Variants in PRKN observed in about 807,000 individuals in gnomAD.
PRKN encodes the protein E3 ubiquitin-protein ligase parkin.
PRKN carries 56 observed loss-of-function variants against 59.5 expected under a neutral mutation model. The observed-to-expected ratio is 0.94, with a 90% CI of 0.76 to 1.18. The LOEUF (loss-of-function observed/expected upper bound fraction) is 1.18. Ranked by LOEUF, PRKN falls within the 50% of genes most tolerant of loss-of-function variation. The pLI is 0.00. For synonymous variants in PRKN, 250 were observed against 222.1 expected, an observed-to-expected ratio of 1.13 and a Z score of -1.12; for missense variants, 657 against 596.4, an observed-to-expected ratio of 1.10 and a Z score of -1.06.
intron 4 of PRKN, among the ~76,000 whole-genome samples, chr6:162,101,500 C>G (rs1005478685): frequency 1.5e-4 from 22 of 150,424 alleles, no homozygotes; most frequent in African/African-American, 5.2e-4. Context: ...AACCCTGTCT[C>G]TACTAAAAAA....
intron 1 of PRKN, among the ~76,000 whole-genome samples, chr6:162,527,354 A>C (rs2846503): frequency 0.26 from 38,932 of 152,176 alleles, 6,195 homozygotes; most frequent in Non-Finnish European, 0.37. Flanking sequence ...GTATGCAAAA[A>C]CCGTTTTCAC....
At chr6:162,058,419 A>G (rs191559628) in intron 4 of PRKN, among the ~76,000 whole-genome samples, 1 of 152,080 alleles carries the variant, frequency 6.6e-6, no homozygotes, top group Non-Finnish European at 1.5e-5. Context: ...GGACAAGGTG[A>G]TCTCTGGCCA....
At chr6:161,778,490 A>G (rs970849127) in intron 7 of PRKN, among the ~76,000 whole-genome samples, 2 of 152,190 alleles carry the variant, frequency 1.3e-5, no homozygotes, top group Non-Finnish European at 2.9e-5. Flanking sequence ...ATTTTCTTGG[A>G]GGAATTACAA....
At chr6:161,875,231 G>A (rs1187940123) in intron 6 of PRKN, among the ~76,000 whole-genome samples, 1 of 148,050 alleles carries the variant, frequency 6.8e-6, no homozygotes, top group African/African-American at 2.5e-5. Flanking sequence ...GTCTCACTCT[G>A]TTTCCCAGGC....
intron 1 of PRKN, among the ~76,000 whole-genome samples, chr6:162,523,714 G>A (rs1778162279): frequency 6.6e-6 from 1 of 151,696 alleles, no homozygotes; most frequent in Non-Finnish European, 1.5e-5. Flanking sequence ...TGTTTATGGG[G>A]TCAAAAAATC....
chr6:162,358,208 A>G (rs1274752521), intron 2 of PRKN, among the ~76,000 whole-genome samples: 1 of 152,244 alleles, frequency 6.6e-6, no homozygotes, highest in Non-Finnish European at 1.5e-5. Flanking sequence ...TTCTGTATGT[A>G]CAATTTGTCT....
chr6:161,375,467 CCACAGTGCCTGA>C (rs1208756454), intron 10 of PRKN, among the ~76,000 whole-genome samples: 1 of 152,220 alleles, frequency 6.6e-6, no homozygotes, highest in Non-Finnish European at 1.5e-5. Context: ...TTTCCTCTCT[CCACAGTGCCTGA>C]CAGTTTTAGC....
chr6:161,854,340 A>T (rs1312774529), intron 6 of PRKN, among the ~76,000 whole-genome samples: 1 of 152,098 alleles, frequency 6.6e-6, no homozygotes, highest in Non-Finnish European at 1.5e-5. Context: ...ATAAAAAATA[A>T]CAGAAAAAAA....
At chr6:162,084,607 T>C (rs1779180811) in intron 4 of PRKN, among the ~76,000 whole-genome samples, 1 of 152,156 alleles carries the variant, frequency 6.6e-6, no homozygotes, top group African/African-American at 2.4e-5. Context: ...TTGCTATAGC[T>C]ATGCAGATTA....
intron 7 of PRKN, among the ~76,000 whole-genome samples, chr6:161,707,585 CAGCAGTAATTTAATCAGCATAAAAA>C (rs1329116375): frequency 6.6e-6 from 1 of 152,184 alleles, no homozygotes; most frequent in East Asian, 1.9e-4. Flanking sequence ...ACACTTTGAA[CAGCAGTAATTTAATCAGCATAAAAA>C]ATTCTTAGTA....
At chr6:161,750,142 C>CACACACACAT (rs765990689) in intron 7 of PRKN, among the ~76,000 whole-genome samples, 1 of 137,070 alleles carries the variant, frequency 7.3e-6, no homozygotes, top group African/African-American at 2.7e-5. Flanking sequence ...CACACACACA[C>CACACACACAT]ATATATAAAT....
At chr6:161,784,882 C>A (rs971060146) in intron 7 of PRKN, among the ~76,000 whole-genome samples, 2 of 152,138 alleles carry the variant, frequency 1.3e-5, no homozygotes, top group Non-Finnish European at 2.9e-5. Context: ...GATGAATGGA[C>A]ACACAAATTG....
At chr6:162,423,052 T>G (rs1428597324) in intron 2 of PRKN, among the ~76,000 whole-genome samples, 1 of 151,620 alleles carries the variant, frequency 6.6e-6, no homozygotes, top group Non-Finnish European at 1.5e-5. Flanking sequence ...ATTGCTTCTA[T>G]AGTACATATT....
At chr6:161,750,886 T>C (rs943017170) in intron 7 of PRKN, among the ~76,000 whole-genome samples, 4 of 151,848 alleles carry the variant, frequency 2.6e-5, no homozygotes, top group Admixed American at 6.6e-5. Flanking sequence ...ACAACAAATA[T>C]ATAATTGTAT....
intron 7 of PRKN, among the ~76,000 whole-genome samples, chr6:161,627,527 G>A (rs1363891007): frequency 1.3e-5 from 2 of 152,236 alleles, no homozygotes; most frequent in Non-Finnish European, 2.9e-5. Flanking sequence ...CCCATCGCCA[G>A]ACAGTCAGTT....
intron 4 of PRKN, among the ~76,000 whole-genome samples, chr6:162,061,806 G>T (rs1778117345): frequency 6.6e-6 from 1 of 152,136 alleles, no homozygotes; most frequent in Non-Finnish European, 1.5e-5. Context: ...TATAAAAAAG[G>T]GAGAATAATC....
chr6:162,058,715 G>C (rs1221016482), intron 4 of PRKN, among the ~76,000 whole-genome samples: 1 of 152,126 alleles, frequency 6.6e-6, no homozygotes, highest in Non-Finnish European at 1.5e-5. Flanking sequence ...CACTTTGGGT[G>C]GCTGAGGAGG....
Position 161,371,539 on chromosome 6 carries a change from G to A in PRKN, c.1168-11334C>T, listed in dbSNP as rs534192909. Among the ~76,000 whole-genome samples the A allele has an allele frequency of 1.0e-3, 154 of 152,208 alleles. No homozygotes were observed. Among genetic ancestry groups the A allele is most frequent in the Non-Finnish European group, 1.9e-3 (131 of 68,022 alleles). On this transcript the variant is annotated intron_variant, in intron 10 of 11. Transcript: ENST00000366898. The surrounding 1 kb of genome is among the most constrained non-coding windows in gnomAD (Gnocchi z 5.5). ...GGGGTGTCTAGCCAAGGGCTCCGGG[G>A]AATACAAGGCTACACTGTAAGCAAT...
chr6:161,610,471 A>AATGTAT (rs550226150), intron 7 of PRKN, among the ~76,000 whole-genome samples: 309 of 147,988 alleles, frequency 2.1e-3, no homozygotes, highest in African/African-American at 7.5e-3. Flanking sequence ...AACTAAGAAA[A>AATGTAT]ATGTATATGT....
Sources: allele counts gnomAD v4.1 joint callset (sites outside exome capture counted in the v4.1 genomes callset), GRCh38; gene constraint gnomAD v4.1.1; non-coding constraint Gnocchi (gnomAD v3.1); transcripts MANE v1.5; gene names NCBI Gene and HGNC (gene_info 2026-07-23, HGNC 2026-07-21).